Variants in FAM161B observed in about 807,000 individuals in gnomAD.
FAM161B encodes the protein FAM161 centrosomal protein B.
A neutral mutation model predicts 61.5 loss-of-function variants in FAM161B; 46 were observed. The observed-to-expected ratio is 0.75, with a 90% CI of 0.59 to 0.96. The LOEUF is 0.96. Among genes scored for constraint, FAM161B ranks in the 40% least tolerant of loss-of-function variants. The pLI, the probability that FAM161B is intolerant of heterozygous loss-of-function variation, is 0.00. For missense variants in FAM161B, 774 were observed against 800.7 expected, an observed-to-expected ratio of 0.97 and a Z score of 0.40; for synonymous variants, 284 against 302.7, an observed-to-expected ratio of 0.94 and a Z score of 0.64.
At chr14:73,938,487 A>T (rs1223823661) in intron 5 of FAM161B, among the ~76,000 whole-genome samples, 1 of 150,052 alleles carries the variant, frequency 6.7e-6, no homozygotes, top group African/African-American at 2.5e-5. Flanking sequence ...AAATAAAATA[A>T]AATAGCCGGG....
chr14:73,927,984 G>A, downstream of FAM161B: 1 of 173,284 alleles, frequency 5.8e-6, no homozygotes, highest in Non-Finnish European at 1.3e-5. Context: ...ATTACAGGCG[G>A]CCACCACCAC....
intron 3 of FAM161B, 37 bp downstream of exon 3, chr14:73,944,298 G>C (rs774361856): frequency 4.6e-6 from 7 of 1,536,436 alleles, no homozygotes; most frequent in Middle Eastern, 1.8e-4. Flanking sequence ...TTGGTTCCCC[G>C]AGGCAGGAGG....
At chr14:73,938,260 A>G in intron 5 of FAM161B, 148 bp from the exon 6 acceptor site, 1 of 801,792 alleles carries the variant, frequency 1.2e-6, no homozygotes, top group South Asian at 1.7e-5. Flanking sequence ...GGAGTCCAAG[A>G]CCAGCCTGGC....
At chr14:73,923,148 AGT>A in the FAM161B span, among the ~76,000 whole-genome samples, 1 of 152,190 alleles carries the variant, frequency 6.6e-6, no homozygotes, top group Non-Finnish European at 1.5e-5. Flanking sequence ...GTTTTAATTC[AGT>A]TAAAAGTGCT....
intron 5 of FAM161B, among the ~76,000 whole-genome samples, chr14:73,938,568 C>G (rs554041805): frequency 1.3e-5 from 2 of 151,796 alleles, no homozygotes; most frequent in African/African-American, 4.8e-5. Context: ...GTCAGGAGAT[C>G]GAGACTATCC....
chr14:73,927,165 A>C (rs1361745376), downstream of FAM161B: 1 of 253,614 alleles, frequency 3.9e-6, no homozygotes, highest in African/African-American at 2.3e-5. Context: ...GGCTCACTGC[A>C]ACCTCTACCT....
At position 73,933,395 on chromosome 14, in the gene FAM161B, ATAT is replaced by A. The variant is rs1408714396; in HGVS notation, c.*858_*860del. ...TCAACAAAGAATTAGGTGGCCCAAAATATTAATAGCACTGAGGATAAGAAATCC... is the reference window on the plus strand; with the variant it reads ...TCAACAAAGAATTAGGTGGCCCAAAATAATAGCACTGAGGATAAGAAATCC... On this transcript the variant is annotated 3_prime_UTR_variant, in exon 9 of 9. Coordinates refer to ENST00000286544, the MANE Select transcript of FAM161B (RefSeq NM_152445.3). 6.6e-6 allele frequency: 1 copy of A among 152,242 alleles called. No homozygotes were observed. The highest frequency in any genetic ancestry group is 1.9e-4 in the East Asian group (1 of 5,204). The allele number at this position is 152,242 out of a possible 1,614,324, so 9.4% of individuals were successfully genotyped here. A position where few individuals can be genotyped will look rare whatever the true frequency, so the allele number is the denominator to read the frequency against.
intron 7 of FAM161B, among the ~76,000 whole-genome samples, chr14:73,937,370 C>T (rs2055978393): frequency 1.3e-5 from 2 of 152,164 alleles, no homozygotes; most frequent in African/African-American, 4.8e-5. Flanking sequence ...AGTGAAAGCT[C>T]TAGGAAGTGA....
At chr14:73,936,642 A>C (rs1201247556) in intron 7 of FAM161B, among the ~76,000 whole-genome samples, 1 of 152,236 alleles carries the variant, frequency 6.6e-6, no homozygotes, top group East Asian at 1.9e-4. Flanking sequence ...ATCTGTTGAG[A>C]TCTGAAGAGT....
At chr14:73,931,197 G>A (rs551883074), downstream of FAM161B, among the ~76,000 whole-genome samples, 15 of 152,102 alleles carry the variant, frequency 9.9e-5, no homozygotes, top group Non-Finnish European at 1.6e-4. Context: ...TGTTTTCCCT[G>A]TAAGTTAGAG....
chr14:73,937,512 T>C, intron 7 of FAM161B, 90 bp downstream of exon 7: 1 of 1,287,288 alleles, frequency 7.8e-7, no homozygotes, highest in East Asian at 2.3e-5. Context: ...TCAAGGAAAA[T>C]TTTAATACCC....
chr14:73,949,064 G>A lies in FAM161B; in HGVS notation c.54+909C>T, dbSNP rs181615894. ...CTCCCGAGTAGCTAGGACTACAGGC[G>A]CGCACCACCATGCCCAGATAATTTT... On this transcript the variant is annotated intron_variant, in intron 1 of 8. Transcript: ENST00000286544. Among the ~76,000 whole-genome samples, 16 of 148,274 alleles carry A rather than the reference G, an allele frequency of 1.1e-4. 1 individual carries two copies. The South Asian group carries it at 1.3e-3, about 12-fold the overall frequency.
chr14:73,944,209 GC>G, intron 3 of FAM161B, 125 bp downstream of exon 3: 3 of 1,444,394 alleles, frequency 2.1e-6, no homozygotes, highest in Non-Finnish European at 2.8e-6. Flanking sequence ...TAAGCGTGCA[GC>G]CTCTAGTGGG....
At chr14:73,946,684 A>G in intron 1 of FAM161B, 79 bp from the exon 2 acceptor site, 3 of 1,465,720 alleles carry the variant, frequency 2.0e-6, no homozygotes, top group Non-Finnish European at 2.8e-6. Context: ...TTCGCTTTGA[A>G]TAAGCTTCTG....
chr14:73,934,511 C>T, intron 8 of FAM161B, 117 bp from the exon 9 acceptor site: 1 of 935,238 alleles, frequency 1.1e-6, no homozygotes, highest in Non-Finnish European at 1.5e-6. Flanking sequence ...CCTGGACAGC[C>T]CAGCTGAAGC....
At position 73,949,977 on chromosome 14, in the gene FAM161B, C is replaced by G; in HGVS notation, c.50G>C (p.Arg17Pro). The G allele has an allele frequency of 6.2e-7, 1 of 1,613,602 alleles. No homozygotes were observed. The highest frequency in any genetic ancestry group is 8.5e-7 in the Non-Finnish European group (1 of 1,180,010). ...CAGTCTCTTTTCTCTCCTCACCTGA[C>G]GGCTCCCCTCCGCGCCTCCGGGGGC... ...EGAPGGAEGS[R>P]QIFPPESFAD... Residue 17 changes from arginine to proline, a missense_variant, in exon 1 of 9, where the codon CGT becomes CCT. Coordinates refer to ENST00000286544, the MANE Select transcript of FAM161B (RefSeq NM_152445.3).
chr14:73,935,979 TCTTGAA>T lies in FAM161B; in HGVS notation c.1769_1774del (p.Val590_Gln591del). On this transcript the variant is annotated inframe_deletion, in exon 8 of 9. Transcript: ENST00000286544. Reference sequence around the variant, plus strand: ...AAAATCCTTGATTTTGGTCTCTTTCTCTTGAACAGCCCGGGTGCCTTGACCCTTGTT... The same window carrying T: ...AAAATCCTTGATTTTGGTCTCTTTCTCAGCCCGGGTGCCTTGACCCTTGTT... The T allele has an allele frequency of 6.2e-7, 1 of 1,612,886 alleles. No individual in the cohort carries two copies. Among genetic ancestry groups the T allele is most frequent in the Non-Finnish European group, 8.5e-7 (1 of 1,179,290 alleles).
At chr14:73,935,813 G>T in intron 8 of FAM161B, 136 bp downstream of exon 8, 2 of 934,948 alleles carry the variant, frequency 2.1e-6, no homozygotes, top group Non-Finnish European at 1.5e-6. Flanking sequence ...GAGATCTCTG[G>T]ATTACTTATT....
At chr14:73,946,149 G>A in intron 2 of FAM161B, 137 bp downstream of exon 2, 1 of 884,896 alleles carries the variant, frequency 1.1e-6, no homozygotes, top group South Asian at 1.8e-5. Context: ...ACCAAAAGCT[G>A]ATTCTCAGCT....
Sources: allele counts gnomAD v4.1 joint callset (sites outside exome capture counted in the v4.1 genomes callset), GRCh38; gene constraint gnomAD v4.1.1; transcripts MANE v1.5; gene names NCBI Gene and HGNC (gene_info 2026-07-23, HGNC 2026-07-21).